The following MGA variants were observed in gnomAD, a reference collection of about 807,000 sequenced individuals.
The protein encoded by MGA is MAX dimerization protein MGA, also known as MAX gene-associated protein.
A neutral mutation model predicts 261.1 loss-of-function variants in MGA; 40 were observed. That is an observed-to-expected ratio of 0.15 (90% CI 0.12 to 0.20). MGA has a LOEUF of 0.20. Among genes scored for constraint, MGA ranks in the 10% least tolerant of loss-of-function variants. The probability of loss-of-function intolerance (pLI) is 1.00; values close to 1 mark genes in which losing one functional copy is unlikely to be tolerated. For synonymous variants in MGA, 1,302 were observed against 1,290.6 expected (o/e 1.01, Z -0.19); for missense variants, 3,397 against 3,630.5 (o/e 0.94, Z 1.65).
intron 1 of MGA, among the ~76,000 whole-genome samples, chr15:41,622,661 CT>C (rs1309981923): frequency 6.6e-6 from 1 of 152,160 alleles, no homozygotes. Flanking sequence ...AAGGGAAATG[CT>C]GATCCCCCAT....
intron 5 of MGA, among the ~76,000 whole-genome samples, chr15:41,700,078 G>A (rs1234322480): frequency 2.5e-5 from 3 of 120,274 alleles, no homozygotes; most frequent in Non-Finnish European, 4.8e-5. Context: ...GCGCAGTCTC[G>A]CTCTCGCCCA....
intron 15 of MGA, among the ~76,000 whole-genome samples, chr15:41,746,322 C>T (rs1028867666): frequency 6.6e-6 from 1 of 152,042 alleles, no homozygotes; most frequent in East Asian, 1.9e-4. Context: ...GGATGGATCA[C>T]CTGAGGTCAG....
chr15:41,747,607 G>C (rs2062581394), intron 15 of MGA, among the ~76,000 whole-genome samples: 1 of 151,014 alleles, frequency 6.6e-6, no homozygotes, highest in African/African-American at 2.4e-5. Context: ...CCAGCTACTT[G>C]GGAGGCTGAG....
intron 2 of MGA, among the ~76,000 whole-genome samples, chr15:41,695,232 C>T (rs2059496145): frequency 6.6e-6 from 1 of 151,692 alleles, no homozygotes; most frequent in Admixed American, 6.6e-5. Flanking sequence ...GCTCTGTCGC[C>T]AGGCTGGAGG....
At chr15:41,653,235 G>T (rs1210433827) in intron 1 of MGA, among the ~76,000 whole-genome samples, 1 of 151,806 alleles carries the variant, frequency 6.6e-6, no homozygotes, top group Non-Finnish European at 1.5e-5. Flanking sequence ...AGGGTGTGGT[G>T]GTGGGCGCCT....
chr15:41,648,795 T>C (rs2150694397), intron 1 of MGA, among the ~76,000 whole-genome samples: 1 of 152,174 alleles, frequency 6.6e-6, no homozygotes, highest in Non-Finnish European at 1.5e-5. Flanking sequence ...CTAAATGAAA[T>C]GGGAAGCTAA....
intron 2 of MGA, among the ~76,000 whole-genome samples, chr15:41,689,840 C>G (rs1272339649): frequency 1.3e-5 from 2 of 151,938 alleles, no homozygotes; most frequent in Non-Finnish European, 2.9e-5. Flanking sequence ...CACACCTGGC[C>G]CATATTGTTT....
At chr15:41,623,012 A>G (rs1213188680) in intron 1 of MGA, among the ~76,000 whole-genome samples, 6 of 152,346 alleles carry the variant, frequency 3.9e-5, no homozygotes, top group Admixed American at 3.9e-4. Context: ...TTGGTGTTCT[A>G]AATACTTTCT....
rs1025791329 is a variant in MGA at position 41,762,476 on chromosome 15, T to G, written c.7744+114T>G. The stretch of plus-strand genomic sequence containing the variant: ...GTTTTGTGTGGTTTTTTTTTTTTTT[T>G]TTTTTTTTTTTTTTTGGAGACAGCT... On this transcript the variant is annotated intron_variant, in intron 22 of 23. Transcript: ENST00000219905. The G allele has an allele frequency of 6.8e-5, 50 of 731,270 alleles. No individual in the cohort carries two copies. In the African/African-American group the frequency reaches 7.8e-4, roughly 11 times the overall value. 45.3% of individuals were successfully genotyped at this position (731,270 alleles called of 1,614,324 possible).
chr15:41,691,625 T>TA (rs776285315), intron 2 of MGA: 1 of 518,812 alleles, frequency 1.9e-6, no homozygotes, highest in Admixed American at 2.0e-5. Flanking sequence ...GGAGTATTTT[T>TA]ATGCAATCTG....
In MGA at chr15:41,757,847, G is replaced by C. The variant is rs368091894; in HGVS notation, c.7191+8G>C. On this transcript the variant is annotated splice_region_variant and intron_variant, in intron 19 of 23. Transcript: ENST00000219905. ...GCTGAAAGGAGTCGAAAGGTATTTA[G>C]GATATATTTAGTGATAATTACTCAT... 5 of 1,595,018 alleles carry C rather than the reference G, an allele frequency of 3.1e-6. No homozygotes were observed. In the African/African-American group the frequency reaches 6.7e-5, roughly 21 times the overall value.
chr15:41,711,802 TCTC>T (rs1490119816), intron 8 of MGA, among the ~76,000 whole-genome samples: 2 of 152,058 alleles, frequency 1.3e-5, no homozygotes, highest in African/African-American at 4.8e-5. Flanking sequence ...TTCAAGCTAT[TCTC>T]CTGCCTCAGC....
At chr15:41,671,263 C>G (rs1183899657) in intron 2 of MGA, among the ~76,000 whole-genome samples, 1 of 152,172 alleles carries the variant, frequency 6.6e-6, no homozygotes, top group African/African-American at 2.4e-5. Context: ...AAAAGCAAAA[C>G]TTGAATTTGA....
intron 3 of MGA, among the ~76,000 whole-genome samples, chr15:41,698,094 T>C (rs919635667): frequency 6.6e-6 from 1 of 150,764 alleles, no homozygotes; most frequent in African/African-American, 2.4e-5. Flanking sequence ...ATGGTCTCGA[T>C]CTCCTGGCCT....
At chr15:41,762,448 T>G in intron 22 of MGA, 86 bp downstream of exon 22, 1 of 919,230 alleles carries the variant, frequency 1.1e-6, no homozygotes, top group Admixed American at 2.7e-5. Context: ...GTCCACATTT[T>G]TAGTTTTGTG....
intron 8 of MGA, among the ~76,000 whole-genome samples, chr15:41,711,976 T>A (rs2060409785): frequency 6.6e-6 from 1 of 152,160 alleles, no homozygotes; most frequent in Admixed American, 6.6e-5. Context: ...ATTACAGGCA[T>A]GAGTCACCAC....
At chr15:41,663,592 C>G (rs1439836677) in intron 1 of MGA, among the ~76,000 whole-genome samples, 2 of 151,868 alleles carry the variant, frequency 1.3e-5, no homozygotes, top group Non-Finnish European at 2.9e-5. Flanking sequence ...GCCTCATCCT[C>G]CCGAGTAGCT....
intron 9 of MGA, among the ~76,000 whole-genome samples, chr15:41,723,224 A>G (rs2061044156): frequency 6.6e-6 from 1 of 151,888 alleles, no homozygotes; most frequent in Non-Finnish European, 1.5e-5. Flanking sequence ...TAGTGTCATT[A>G]TAAGGGGAAA....
chr15:41,730,238 G>C (rs1442449781), intron 11 of MGA, among the ~76,000 whole-genome samples: 1 of 152,144 alleles, frequency 6.6e-6, no homozygotes, highest in Non-Finnish European at 1.5e-5. Flanking sequence ...GGCTGATCGA[G>C]ACTAGCCTGG....
Sources: allele counts gnomAD v4.1 joint callset (sites outside exome capture counted in the v4.1 genomes callset), GRCh38; gene constraint gnomAD v4.1.1; transcripts MANE v1.5; gene names NCBI Gene and HGNC (gene_info 2026-07-23, HGNC 2026-07-21).